Variants in VPS50 observed in about 807,000 individuals in gnomAD.
VPS50 encodes VPS50 subunit of EARP/GARPII complex.
A neutral mutation model predicts 139.7 loss-of-function variants in VPS50; 70 were observed. The ratio of observed to expected loss-of-function variants is 0.50; its 90% CI spans 0.41 to 0.61. The LOEUF (loss-of-function observed/expected upper bound fraction) is 0.61. Among genes scored for constraint, VPS50 ranks in the 20% least tolerant of loss-of-function variants. The probability of loss-of-function intolerance (pLI) is 0.00; values close to 1 mark genes in which losing one functional copy is unlikely to be tolerated. For synonymous variants in VPS50, 365 were observed against 376.7 expected, an observed-to-expected ratio of 0.97 and a Z score of 0.36; for missense variants, 921 against 1,133.7, an observed-to-expected ratio of 0.81 and a Z score of 2.69.
intron 25 of VPS50, 33 bp from the exon 26 acceptor site, chr7:93,353,607 T>A (rs1213813922): frequency 6.3e-7 from 1 of 1,590,484 alleles, no homozygotes; most frequent in East Asian, 2.2e-5. Context: ...ATTTTAATGA[T>A]ATTCACAAAC....
rs1479134211 is a variant in VPS50, at chr7:93,303,477, T to A, written c.1379T>A (p.Leu460Gln). 1.9e-6 allele frequency: 3 copies of A among 1,571,200 alleles called. No homozygotes were observed. Among genetic ancestry groups the A allele is most frequent in the Non-Finnish European group, 2.6e-6 (3 of 1,149,934 alleles). The change falls in exon 17 of 28, where the codon CTG (leucine) becomes CAG (glutamine). Residue 460 changes from leucine to glutamine, a missense_variant. Coordinates refer to ENST00000305866, the MANE Select transcript of VPS50 (RefSeq NM_017667.4). ...TTTTTAAGAACACGGCTCGATGAAC[T>A]GAGAATGTTCTTAGAGAATGAGACT... ...KNYHRTRLDE[L>Q]RMFLENETWE...
At chr7:93,330,769 A>AT (rs1797913880) in intron 21 of VPS50, among the ~76,000 whole-genome samples, 1 of 151,064 alleles carries the variant, frequency 6.6e-6, no homozygotes, top group Non-Finnish European at 1.5e-5. Context: ...CTCAAAAAAA[A>AT]AAAAAAAAAA....
At chr7:93,342,269 C>A (rs145550731) in intron 23 of VPS50, among the ~76,000 whole-genome samples, 1 of 152,222 alleles carries the variant, frequency 6.6e-6, no homozygotes, top group African/African-American at 2.4e-5. Flanking sequence ...GCTTTTCCGA[C>A]GGGCTTAAAA....
At chr7:93,276,087 C>T in intron 11 of VPS50, 78 bp from the exon 12 acceptor site, 5 of 1,300,238 alleles carry the variant, frequency 3.8e-6, no homozygotes, top group Admixed American at 4.5e-5. Flanking sequence ...AAGATGTTTC[C>T]CTGGGTTTTT....
chr7:93,253,666 G>A (rs896803728), intron 3 of VPS50, among the ~76,000 whole-genome samples, 194 bp from the exon 4 acceptor site: 28 of 152,142 alleles, frequency 1.8e-4, no homozygotes, highest in African/African-American at 6.3e-4. Context: ...AGAGGGCTGT[G>A]TACTAAAGAT....
At chr7:93,332,469 G>A (rs1797966941) in intron 21 of VPS50, among the ~76,000 whole-genome samples, 3 of 152,222 alleles carry the variant, frequency 2.0e-5, no homozygotes, top group East Asian at 1.9e-4. Context: ...AAACACAAAC[G>A]TTTAGTCCAT....
intron 16 of VPS50, among the ~76,000 whole-genome samples, chr7:93,302,199 T>C (rs1201678313): frequency 6.6e-6 from 1 of 152,200 alleles, no homozygotes; most frequent in Non-Finnish European, 1.5e-5. Context: ...GTATGTGGTA[T>C]GAGCTATGAG....
chr7:93,246,219 A>G (rs1795149150), intron 2 of VPS50: 3 of 875,964 alleles, frequency 3.4e-6, no homozygotes, highest in Admixed American at 5.2e-5. Flanking sequence ...AAAGTCTTTG[A>G]TCAAAGATTT....
Position 93,358,340 on chromosome 7 carries a change from C to G in VPS50, c.2799C>G (p.Thr933=). 6.2e-7 allele frequency: 1 copy of G among 1,612,674 alleles called. No individual in the cohort carries two copies. Among genetic ancestry groups the G allele is most frequent in the East Asian group, 2.2e-5 (1 of 44,842 alleles). The change falls in exon 28 of 28, where the codon ACC becomes ACG. Residue 933 remains threonine, a synonymous_variant. Coordinates refer to ENST00000305866, the MANE Select transcript of VPS50 (RefSeq NM_017667.4). ...EHREYSTKQL[T]NLVNVCLGSH... Reference sequence around the variant, plus strand: ...AGGAATATTCAACGAAGCAGCTGACCAATCTGGTGAATGTTTGCCTGGGAT... The same window carrying G: ...AGGAATATTCAACGAAGCAGCTGACGAATCTGGTGAATGTTTGCCTGGGAT...
chr7:93,246,112 A>G, intron 2 of VPS50: 2 of 1,522,158 alleles, frequency 1.3e-6, no homozygotes, highest in Non-Finnish European at 1.8e-6. Context: ...TTAGAGCCCT[A>G]ACGTGATGTT....
intron 23 of VPS50, among the ~76,000 whole-genome samples, chr7:93,346,259 A>G (rs1798390437): frequency 6.6e-6 from 1 of 152,196 alleles, no homozygotes; most frequent in African/African-American, 2.4e-5. Context: ...TAGGAATCCA[A>G]CTTACAAGGG....
At position 93,294,606 on chromosome 7, in the gene VPS50, A is replaced by G. The variant is rs1796749675; in HGVS notation, c.1137A>G (p.Lys379=). Residue 379 remains lysine (K), a synonymous_variant, in exon 14 of 28, where the codon AAA becomes AAG. Coordinates refer to ENST00000305866, the MANE Select transcript of VPS50 (RefSeq NM_017667.4). ...TNFDRGYIKK[K]LEHGLTRIWQ... is the part of the protein sequence containing the mutation. ...TTGATCGTGGCTACATAAAAAAGAA[A>G]TTAGAACATGGACTTACACGAATAT... The G allele has an allele frequency of 6.9e-6, 11 of 1,600,100 alleles. No homozygotes were observed. Among genetic ancestry groups the G allele is most frequent in the Non-Finnish European group, 9.4e-6 (11 of 1,174,572 alleles).
intron 22 of VPS50, among the ~76,000 whole-genome samples, chr7:93,334,404 T>A (rs948740414): frequency 3.9e-5 from 6 of 152,176 alleles, no homozygotes; most frequent in African/African-American, 7.2e-5. Flanking sequence ...ATTGGGCTTA[T>A]ATCTAGCACA....
chr7:93,261,594 C>T (rs1259492362), intron 9 of VPS50, among the ~76,000 whole-genome samples: 1 of 144,766 alleles, frequency 6.9e-6, no homozygotes, highest in East Asian at 2.1e-4. Flanking sequence ...AGGAGAATGG[C>T]GTGAACCTGG....
intron 19 of VPS50, among the ~76,000 whole-genome samples, chr7:93,310,004 A>C (rs1421399678): frequency 6.6e-6 from 1 of 152,020 alleles, no homozygotes; most frequent in Non-Finnish European, 1.5e-5. Flanking sequence ...AATTGAAAAA[A>C]TTTGTTCTAT....
In VPS50 at chr7:93,348,890, T is replaced by A. The variant is rs554084835; in HGVS notation, c.2304+83T>A. 7 of 918,992 alleles carry A rather than the reference T, an allele frequency of 7.6e-6. No individual in the cohort carries two copies. In the African/African-American group the frequency reaches 8.3e-5, roughly 11 times the overall value. 56.9% of individuals were successfully genotyped at this position (918,992 alleles called of 1,614,324 possible). ...TATTTAGATTTTTTGTTGTTTTTTT[T>A]AACTGGAAGTCAGTCTTGAAACCCC... is the stretch of plus-strand genomic sequence containing the variant. On this transcript the variant is annotated intron_variant, in intron 24 of 27. Coordinates refer to ENST00000305866, the MANE Select transcript of VPS50 (RefSeq NM_017667.4).
intron 1 of VPS50, 110 bp from the exon 2 acceptor site, chr7:93,239,756 A>G: frequency 1.6e-6 from 1 of 612,310 alleles, no homozygotes; most frequent in Non-Finnish European, 3.0e-6. Flanking sequence ...ATTTTGAAGC[A>G]GGAAAATTTC....
intron 2 of VPS50, among the ~76,000 whole-genome samples, chr7:93,240,621 T>C (rs1413176620): frequency 2.0e-5 from 3 of 152,158 alleles, no homozygotes. Context: ...GAATAGCTGC[T>C]CCATCACAGA....
chr7:93,328,935 A>G (rs952805178), intron 21 of VPS50, among the ~76,000 whole-genome samples: 5 of 152,218 alleles, frequency 3.3e-5, no homozygotes, highest in Non-Finnish European at 7.3e-5. Flanking sequence ...GAAAAAAAAT[A>G]TAAACGGAGA....
Sources: allele counts gnomAD v4.1 joint callset (sites outside exome capture counted in the v4.1 genomes callset), GRCh38; gene constraint gnomAD v4.1.1; transcripts MANE v1.5; gene names NCBI Gene and HGNC (gene_info 2026-07-23, HGNC 2026-07-21).